Variants in ADAMTS13 observed in about 807,000 individuals in gnomAD.
The protein encoded by ADAMTS13 is ADAM metallopeptidase with thrombospondin type 1 motif 13.
Under a neutral mutation model 155.1 loss-of-function variants are expected in ADAMTS13, and 110 were observed. That is an observed-to-expected ratio of 0.71 (90% CI 0.61 to 0.83). ADAMTS13 has a LOEUF of 0.83. ADAMTS13 is among the 40% of genes least tolerant of loss of function. ADAMTS13 has a pLI of 0.00. For synonymous variants in ADAMTS13, 758 were observed against 756.4 expected, an observed-to-expected ratio of 1.00 and a Z score of -0.03; for missense variants, 1,707 against 1,891.7, an observed-to-expected ratio of 0.90 and a Z score of 1.81.
chr9:133,438,143 G>A lies in ADAMTS13; in HGVS notation c.1585-103G>A, dbSNP rs939755150. ...GATGGTGGGGTGCTATAGAAGTGTTGCTGGTTTTGTGGATCCCAGAATCTC... is the reference window on the plus strand; with the variant it reads ...GATGGTGGGGTGCTATAGAAGTGTTACTGGTTTTGTGGATCCCAGAATCTC... On this transcript the variant is annotated intron_variant, in intron 13 of 28. Coordinates refer to ENST00000355699, the MANE Select transcript of ADAMTS13 (RefSeq NM_139027.6). The A allele has an allele frequency of 3.5e-5, 56 of 1,591,882 alleles. No homozygotes were observed. The East Asian group carries it at 7.9e-4, about 22-fold the overall frequency.
At chr9:133,446,715 T>G (rs1554792762) in intron 21 of ADAMTS13, among the ~76,000 whole-genome samples, 1 of 152,230 alleles carries the variant, frequency 6.6e-6, no homozygotes, top group African/African-American at 2.4e-5. Context: ...CTGGGTAAGA[T>G]GAGAATTCTA....
rs782188741 is a variant in ADAMTS13, at chr9:133,425,532, G to C, written c.334G>C (p.Ala112Pro). The change falls in exon 4 of 29, where the codon GCA (alanine) becomes CCA (proline). Residue 112 changes from alanine to proline, a missense_variant. By Grantham distance (27) the Ala-to-Pro change is conservative. Transcript: ENST00000355699. This position sits in a 1 kb window ranked among gnomAD's most constrained non-coding sequence, Gnocchi z 4.6. ...TCTCTCATCTGCCCTTGCACAGGGG[G>C]CAGAACTGCTTCGGGACCCGTCCCT... ...RYVLTNLNIG[A>P]ELLRDPSLGA... The C allele has an allele frequency of 6.2e-7, 1 of 1,613,010 alleles. No homozygotes were observed. The highest frequency in any genetic ancestry group is 1.7e-5 in the Admixed American group (1 of 59,932).
intron 9 of ADAMTS13, 125 bp from the exon 10 acceptor site, chr9:133,433,253 G>A (rs948118590): frequency 2.8e-5 from 37 of 1,316,752 alleles, no homozygotes; most frequent in South Asian, 8.3e-5. Context: ...TTTGGGGGTC[G>A]CTGTGGGTGG....
chr9:133,427,171 T>TA (rs1840343388), intron 6 of ADAMTS13, among the ~76,000 whole-genome samples: 1 of 152,204 alleles, frequency 6.6e-6, no homozygotes, highest in Non-Finnish European at 1.5e-5. Flanking sequence ...TCCCAAACAT[T>TA]ATCCCAGGTA....
At chr9:133,436,520 C>T (rs1841229081) in intron 11 of ADAMTS13, among the ~76,000 whole-genome samples, 1 of 152,230 alleles carries the variant, frequency 6.6e-6, no homozygotes, top group African/African-American at 2.4e-5. Flanking sequence ...CTAAAGAATA[C>T]ACATCCCCGT....
At chr9:133,444,252 A>G (rs1295666892) in intron 19 of ADAMTS13, among the ~76,000 whole-genome samples, 1 of 151,966 alleles carries the variant, frequency 6.6e-6, no homozygotes, top group Non-Finnish European at 1.5e-5. Flanking sequence ...ATCCAATTCC[A>G]TGTGGCACCT....
intron 8 of ADAMTS13, 132 bp from the exon 9 acceptor site, chr9:133,432,456 C>A (rs1840841057): frequency 1.2e-6 from 1 of 804,500 alleles, no homozygotes; most frequent in Non-Finnish European, 2.1e-6. Flanking sequence ...TCTGAGGGCA[C>A]CAGTGCCCAC....
chr9:133,444,945 G>A lies in ADAMTS13; in HGVS notation c.2503G>A (p.Ala835Thr). Residue 835 changes from alanine (A) to threonine (T), a missense_variant, in exon 20 of 29, where the codon GCA (alanine) becomes ACA (threonine). By Grantham distance (58) the Ala-to-Thr change is moderately conservative. Coordinates refer to ENST00000355699, the MANE Select transcript of ADAMTS13 (RefSeq NM_139027.6). ...GGAGAACGAGACCTGTGTGCCAGGG[G>A]CAGATGGCCTGGAGGCTCCAGTGAC... ...ALENETCVPG[A>T]DGLEAPVTEG... 1 of 1,613,504 alleles carries A rather than the reference G, an allele frequency of 6.2e-7. No homozygotes were observed. Among genetic ancestry groups the A allele is most frequent in the African/African-American group, 1.3e-5 (1 of 75,062 alleles).
intron 7 of ADAMTS13, among the ~76,000 whole-genome samples, chr9:133,429,058 T>C (rs1840505748): frequency 6.8e-6 from 1 of 148,060 alleles, no homozygotes; most frequent in Admixed American, 6.7e-5. Flanking sequence ...CCCTCCTTCC[T>C]GTCCTACCTC....
Position 133,444,988 on chromosome 9 carries a change from T to C in ADAMTS13, c.2546T>C (p.Val849Ala), listed in dbSNP as rs1260075820. 3 of 1,613,364 alleles carry C rather than the reference T, an allele frequency of 1.9e-6. No individual in the cohort carries two copies. The African/African-American group carries it at 4.0e-5, about 22-fold the overall frequency. The change falls in exon 20 of 29, where the codon GTA (valine) becomes GCA (alanine). Residue 849 changes from valine to alanine, a missense_variant. Val to Ala is a moderately conservative substitution (Grantham distance 64). Coordinates refer to ENST00000355699, the MANE Select transcript of ADAMTS13 (RefSeq NM_139027.6). ...CCAGTGACTGAGGGGCCTGGCTCCGTAGATGAGAAGCTGCCTGCCCCTGAG... is the reference window on the plus strand; with the variant it reads ...CCAGTGACTGAGGGGCCTGGCTCCGCAGATGAGAAGCTGCCTGCCCCTGAG... Reference protein sequence around the residue: ...EAPVTEGPGSVDEKLPAPEPC... With the variant: ...EAPVTEGPGSADEKLPAPEPC...
intron 28 of ADAMTS13, 151 bp downstream of exon 28, chr9:133,458,245 A>C: frequency 3.0e-6 from 3 of 1,007,928 alleles, no homozygotes; most frequent in Non-Finnish European, 4.4e-6. Context: ...CCACATATTC[A>C]CCAAGAAATG....
chr9:133,417,819 G>C, upstream of ADAMTS13: 1 of 1,603,898 alleles, frequency 6.2e-7, no homozygotes, highest in Non-Finnish European at 8.5e-7. Flanking sequence ...GGCGCGCTTG[G>C]AGGCGGGGAC....
chr9:133,426,881 G>T (rs1463322651), intron 6 of ADAMTS13, among the ~76,000 whole-genome samples: 1 of 151,118 alleles, frequency 6.6e-6, no homozygotes, highest in Non-Finnish European at 1.5e-5. Context: ...TCAGCTCATT[G>T]CAACCTCCAC....
At chr9:133,434,912 C>T (rs1841061121) in intron 11 of ADAMTS13, among the ~76,000 whole-genome samples, 1 of 152,184 alleles carries the variant, frequency 6.6e-6, no homozygotes, top group Non-Finnish European at 1.5e-5. Flanking sequence ...CCTTCCTCCC[C>T]CAGCGGCACG....
intron 23 of ADAMTS13, 73 bp downstream of exon 23, chr9:133,450,038 C>G: frequency 1.3e-6 from 2 of 1,506,776 alleles, no homozygotes; most frequent in South Asian, 2.4e-5. Context: ...TGGTGTGTGC[C>G]TGTAATCGCA....
At chr9:133,451,126 C>T (rs1361032477) in intron 23 of ADAMTS13, among the ~76,000 whole-genome samples, 2 of 152,182 alleles carry the variant, frequency 1.3e-5, no homozygotes. Flanking sequence ...TGTAGGTTTG[C>T]ATTTTTAGTA....
chr9:133,441,175 G>A lies in ADAMTS13; in HGVS notation c.1968+650G>A, dbSNP rs1268863607. On this transcript the variant is annotated intron_variant, in intron 16 of 28. Transcript: ENST00000355699. The surrounding 1 kb of genome is among the most constrained non-coding windows in gnomAD (Gnocchi z 5.0). ...ACGTGGAGGGTGGAGAGACATAAGCGCAGGCTGAAACAGACCTGAGAACCT... is the reference window on the plus strand; with the variant it reads ...ACGTGGAGGGTGGAGAGACATAAGCACAGGCTGAAACAGACCTGAGAACCT... Among the ~76,000 whole-genome samples the A allele has an allele frequency of 6.6e-6, 1 of 152,138 alleles. No individual in the cohort carries two copies. The highest frequency in any genetic ancestry group is 1.5e-5 in the Non-Finnish European group (1 of 68,010).
intron 28 of ADAMTS13, 143 bp from the exon 29 acceptor site, chr9:133,458,831 G>C (rs1554796983): frequency 2.0e-5 from 16 of 795,080 alleles, no homozygotes; most frequent in Non-Finnish European, 1.6e-5. Flanking sequence ...TCGGTTTTCT[G>C]GGTAGAGTAA....
intron 24 of ADAMTS13, among the ~76,000 whole-genome samples, chr9:133,455,058 C>T (rs941032572): frequency 2.0e-5 from 3 of 152,118 alleles, no homozygotes; most frequent in African/African-American, 4.8e-5. Context: ...ACAGAGAGGC[C>T]GTGAGGGTGA....
Sources: allele counts gnomAD v4.1 joint callset (sites outside exome capture counted in the v4.1 genomes callset), GRCh38; gene constraint gnomAD v4.1.1; non-coding constraint Gnocchi (gnomAD v3.1); transcripts MANE v1.5; gene names NCBI Gene and HGNC (gene_info 2026-07-23, HGNC 2026-07-21).